MTF2: variants seen among roughly 807,000 people sequenced by gnomAD.
MTF2 encodes metal-response element-binding transcription factor 2.
MTF2 carries 11 observed loss-of-function variants against 79.5 expected under a neutral mutation model. The observed-to-expected ratio is 0.14, with a 90% CI of 0.09 to 0.23. The LOEUF (loss-of-function observed/expected upper bound fraction) is 0.23, where lower values mean the gene tolerates loss of function less well. Among genes scored for constraint, MTF2 ranks in the 10% least tolerant of loss-of-function variants. The pLI is 1.00. For missense variants in MTF2, 486 were observed against 711.2 expected, an observed-to-expected ratio of 0.68 and a Z score of 3.60; for synonymous variants, 208 against 232.8, an observed-to-expected ratio of 0.89 and a Z score of 0.97.
At chr1:93,121,018 T>C (rs1276942707) in intron 9 of MTF2, 1 of 1,035,886 alleles carries the variant, frequency 9.7e-7, no homozygotes, top group Non-Finnish European at 1.2e-6. Context: ...TTCTAAGTTT[T>C]CTATAAACTT....
intron 1 of MTF2, among the ~76,000 whole-genome samples, chr1:93,093,161 G>A (rs1403773897): frequency 1.1e-4 from 16 of 150,660 alleles, no homozygotes; most frequent in South Asian, 4.2e-4. Flanking sequence ...CAGTGTGGGC[G>A]ACAGAGTGAG....
At chr1:93,114,614 C>A in intron 3 of MTF2, 74 bp from the exon 4 acceptor site, 1 of 1,083,384 alleles carries the variant, frequency 9.2e-7, no homozygotes, top group Non-Finnish European at 1.3e-6. Context: ...GTGCTGCTCA[C>A]TGAGTCATAA....
intron 11 of MTF2, among the ~76,000 whole-genome samples, chr1:93,133,248 C>T (rs968779043): frequency 1.1e-4 from 17 of 152,056 alleles, no homozygotes; most frequent in African/African-American, 3.6e-4. Context: ...ACAATGTTAA[C>T]ATAGATATTT....
At chr1:93,130,889 T>C (rs971755770) in intron 11 of MTF2, among the ~76,000 whole-genome samples, 4 of 152,238 alleles carry the variant, frequency 2.6e-5, no homozygotes, top group Admixed American at 1.3e-4. Context: ...TTTGGTATGG[T>C]GAATGAAGCA....
intron 11 of MTF2, among the ~76,000 whole-genome samples, chr1:93,132,162 G>A (rs1292390220): frequency 6.6e-6 from 1 of 152,168 alleles, no homozygotes; most frequent in African/African-American, 2.4e-5. Flanking sequence ...TTAAAGGTAT[G>A]GAATAGTCAT....
At chr1:93,134,490 C>CT in intron 14 of MTF2, 1 of 291,140 alleles carries the variant, frequency 3.4e-6, no homozygotes, top group South Asian at 6.4e-5. Flanking sequence ...AATGCCTCTG[C>CT]TACACAAGTG....
chr1:93,128,067 G>A (rs986772300), intron 10 of MTF2, among the ~76,000 whole-genome samples: 1 of 151,912 alleles, frequency 6.6e-6, no homozygotes, highest in African/African-American at 2.4e-5. Context: ...AAAGCCATGA[G>A]GTACCTGATA....
chr1:93,123,053 A>G (rs1054426945), intron 9 of MTF2, among the ~76,000 whole-genome samples: 3 of 152,104 alleles, frequency 2.0e-5, no homozygotes, highest in Admixed American at 2.0e-4. Context: ...AATTTAGGTT[A>G]ACAAAAATTT....
chr1:93,081,324 T>A (rs915208277), intron 1 of MTF2, among the ~76,000 whole-genome samples: 1 of 152,220 alleles, frequency 6.6e-6, no homozygotes, highest in Non-Finnish European at 1.5e-5. Context: ...AATATTCCTT[T>A]TTGTGGGATC....
chr1:93,129,062 C>T, intron 10 of MTF2: 1 of 365,490 alleles, frequency 2.7e-6, no homozygotes, highest in East Asian at 4.1e-5. Context: ...GACATGTGCT[C>T]TTCTCCTTTC....
chr1:93,098,753 A>G (rs564383079), intron 1 of MTF2, among the ~76,000 whole-genome samples: 30 of 152,360 alleles, frequency 2.0e-4, no homozygotes, highest in African/African-American at 7.2e-4. Context: ...TGGGATTCCA[A>G]GTCAGTTGGT....
intron 1 of MTF2, among the ~76,000 whole-genome samples, chr1:93,104,155 G>A (rs1181240697): frequency 6.8e-6 from 1 of 147,890 alleles, no homozygotes; most frequent in Non-Finnish European, 1.5e-5. Context: ...GCCCAGGCTG[G>A]TCTCAAATTC....
intron 1 of MTF2, among the ~76,000 whole-genome samples, chr1:93,086,497 A>AG (rs1491323137): frequency 9.1e-5 from 1 of 10,930 alleles, no homozygotes; most frequent in Non-Finnish European, 9.7e-4. Context: ...AGACTGTCTC[A>AG]AAAAAAAAAA....
At chr1:93,112,023 A>G (rs1209736391) in intron 3 of MTF2, among the ~76,000 whole-genome samples, 1 of 152,130 alleles carries the variant, frequency 6.6e-6, no homozygotes, top group Non-Finnish European at 1.5e-5. Context: ...TAAAAGTGGT[A>G]GAAAAGAAGA....
Position 93,105,241 on chromosome 1 carries a change from T to C in MTF2, c.6-4989T>C, listed in dbSNP as rs117081302. Among the ~76,000 whole-genome samples, 62 of 151,698 alleles carry C rather than the reference T, an allele frequency of 4.1e-4. No individual in the cohort carries two copies. The East Asian group carries it at 9.9e-3, about 24-fold the overall frequency. ...GAAGACTGAAAAGGGGAGGAGACTA[T>C]AGGAGTGGAGACATTAAGCGTGTAT... On this transcript the variant is annotated intron_variant, in intron 1 of 14. Coordinates refer to ENST00000370298, the MANE Select transcript of MTF2 (RefSeq NM_007358.4).
At chr1:93,082,273 CTT>C (rs11380988) in intron 1 of MTF2, among the ~76,000 whole-genome samples, 5 of 139,236 alleles carry the variant, frequency 3.6e-5, no homozygotes, top group East Asian at 2.0e-4. Flanking sequence ...TGTAACCATT[CTT>C]TTTTTTTTTT....
chr1:93,092,546 A>G (rs1655115386), intron 1 of MTF2, among the ~76,000 whole-genome samples: 1 of 152,146 alleles, frequency 6.6e-6, no homozygotes. Flanking sequence ...AATTCTTTAT[A>G]TCTCTAAATA....
At chr1:93,080,725 G>A (rs1654569164) in intron 1 of MTF2, among the ~76,000 whole-genome samples, 1 of 149,712 alleles carries the variant, frequency 6.7e-6, no homozygotes, top group Non-Finnish European at 1.5e-5. Context: ...CCTACAAGCT[G>A]GTTTCAATTT....
chr1:93,079,577 G>A, intron 1 of MTF2, 46 bp downstream of exon 1: 2 of 1,611,390 alleles, frequency 1.2e-6, no homozygotes, highest in Non-Finnish European at 1.7e-6. Flanking sequence ...AGGAGATGGG[G>A]GTTGGGGGAA....
Sources: allele counts gnomAD v4.1 joint callset (sites outside exome capture counted in the v4.1 genomes callset), GRCh38; gene constraint gnomAD v4.1.1; transcripts MANE v1.5; gene names NCBI Gene and HGNC (gene_info 2026-07-23, HGNC 2026-07-21).